Variants in CHRDL2 observed in about 807,000 individuals in gnomAD.
CHRDL2 encodes the protein chordin-like protein 2.
In CHRDL2, 41 loss-of-function variants were observed where a neutral mutation model predicts 54.3. That is an observed-to-expected ratio of 0.76 (90% CI 0.59 to 0.98). The LOEUF is 0.98. Among genes scored for constraint, CHRDL2 ranks in the 50% least tolerant of loss-of-function variants. The pLI, the probability that CHRDL2 is intolerant of heterozygous loss-of-function variation, is 0.00. For synonymous variants in CHRDL2, 220 were observed against 224.3 expected (o/e 0.98, Z 0.17); for missense variants, 518 against 562.4 (o/e 0.92, Z 0.80).
chr11:74,708,422 A>G lies in CHRDL2; in HGVS notation c.433-27T>C, dbSNP rs2034083729. ...TGACAGATAGAGCAAACCAGCTGGG[A>G]AATGAGCTCTGATAAGGGCTAGCCT... On this transcript the variant is annotated intron_variant, in intron 4 of 10. Transcript: ENST00000376332. 3 of 1,513,510 alleles carry G rather than the reference A, an allele frequency of 2.0e-6. No homozygotes were observed. The African/African-American group carries it at 4.2e-5, about 21-fold the overall frequency. 93.8% of individuals were successfully genotyped at this position (1,513,510 alleles called of 1,614,324 possible).
intron 6 of CHRDL2, among the ~76,000 whole-genome samples, chr11:74,705,445 C>T (rs1458984272): frequency 6.6e-6 from 1 of 152,178 alleles, no homozygotes; most frequent in Non-Finnish European, 1.5e-5. Context: ...TGCATCAGTT[C>T]TCCGATGGCC....
intron 9 of CHRDL2, among the ~76,000 whole-genome samples, chr11:74,701,835 G>A (rs536050919): frequency 1.3e-5 from 2 of 152,104 alleles, no homozygotes; most frequent in East Asian, 3.9e-4. Context: ...TAGAGGAAAG[G>A]AACTTTAGAG....
At chr11:74,711,169 T>TG (rs1447489806) in intron 3 of CHRDL2, among the ~76,000 whole-genome samples, 178 bp from the exon 4 acceptor site, 1 of 152,194 alleles carries the variant, frequency 6.6e-6, no homozygotes, top group Admixed American at 6.5e-5. Context: ...GAGGTCCCTC[T>TG]GATACCTACA....
intron 9 of CHRDL2, among the ~76,000 whole-genome samples, chr11:74,700,524 T>C (rs1201072338): frequency 6.6e-6 from 1 of 152,140 alleles, no homozygotes; most frequent in Non-Finnish European, 1.5e-5. Flanking sequence ...GGGCCTATTA[T>C]GCTCCATGTC....
At chr11:74,726,496 G>A (rs1213801594) in intron 1 of CHRDL2, among the ~76,000 whole-genome samples, 1 of 152,206 alleles carries the variant, frequency 6.6e-6, no homozygotes, top group African/African-American at 2.4e-5. Flanking sequence ...GAATGAGGAT[G>A]GGGTCCTGGA....
Position 74,730,954 on chromosome 11 carries a change from C to G in CHRDL2, c.-66G>C. 6.6e-6 allele frequency: 9 copies of G among 1,367,818 alleles called. No individual in the cohort carries two copies. The highest frequency in any genetic ancestry group is 9.1e-6 in the Non-Finnish European group (9 of 988,582). The allele number at this position is 1,367,818 out of a possible 1,614,324, so 84.7% of individuals were successfully genotyped here. ...GGGAGGAAGGGAGACGAAAAGGACA[C>G]GGAGGCACAGGGGCCACAGATCAAC... On this transcript the variant is annotated 5_prime_UTR_variant, in exon 1 of 11. Coordinates refer to ENST00000376332, the MANE Select transcript of CHRDL2 (RefSeq NM_001278473.3).
rs1252649708 is a variant in CHRDL2 at position 74,702,894 on chromosome 11, G to A, written c.1020C>T (p.Val340=). Residue 340 remains valine, a synonymous_variant, in exon 9 of 11, where the codon GTC becomes GTT. Transcript: ENST00000376332. The part of the protein sequence containing the change: ...RCPKAPGRVL[V]HTSVSPSPDN... ...CTGGGCTTGGGGATACCGATGTGTG[G>A]ACGAGGACCCGGCCCGGTGCCTTGG... 1.2e-6 allele frequency: 2 copies of A among 1,614,082 alleles called. No homozygotes were observed. The highest frequency in any genetic ancestry group is 1.7e-6 in the Non-Finnish European group (2 of 1,180,032).
At position 74,713,440 on chromosome 11, in the gene CHRDL2, CAGGCGGACAGTGG is replaced by C. The variant is rs769495838; in HGVS notation, c.222_234del (p.His75SerfsTer7). ...TCCGTCACAGGCTGGGGGCAGTGGACAGGCGGACAGTGGAGGCGGTAACAACTCACATGGGCGC... is the reference window on the plus strand; with the variant it reads ...TCCGTCACAGGCTGGGGGCAGTGGACAGGCGGTAACAACTCACATGGGCGC... On this transcript the variant is annotated frameshift_variant, in exon 3 of 11. Coordinates refer to ENST00000376332, the MANE Select transcript of CHRDL2 (RefSeq NM_001278473.3). LOFTEE classifies it high-confidence loss of function. 6.2e-7 allele frequency: 1 copy of C among 1,614,056 alleles called. No homozygotes were observed. Among genetic ancestry groups the C allele is most frequent in the African/African-American group, 1.3e-5 (1 of 74,920 alleles).
intron 3 of CHRDL2, among the ~76,000 whole-genome samples, chr11:74,711,818 C>CT (rs369068669): frequency 0.046 from 6,848 of 147,668 alleles, 235 homozygotes; most frequent in African/African-American, 0.1. Flanking sequence ...TCCTTTTTTT[C>CT]TTTTTTTTTT....
At position 74,708,413 on chromosome 11, in the gene CHRDL2, C is replaced by T. The variant is rs898841853; in HGVS notation, c.433-18G>A. On this transcript the variant is annotated intron_variant, in intron 4 of 10. Transcript: ENST00000376332. Reference sequence around the variant, plus strand: ...TGGCCCTCCTGACAGATAGAGCAAACCAGCTGGGAAATGAGCTCTGATAAG... The same window carrying T: ...TGGCCCTCCTGACAGATAGAGCAAATCAGCTGGGAAATGAGCTCTGATAAG... The T allele has an allele frequency of 2.6e-6, 4 of 1,541,936 alleles. No individual in the cohort carries two copies. The highest frequency in any genetic ancestry group is 3.5e-6 in the Non-Finnish European group (4 of 1,145,082).
At chr11:74,712,400 A>G (rs2135259049) in intron 3 of CHRDL2, among the ~76,000 whole-genome samples, 1 of 152,252 alleles carries the variant, frequency 6.6e-6, no homozygotes, top group Non-Finnish European at 1.5e-5. Context: ...TTTTAGCAAC[A>G]AGAGGCCTGG....
intron 1 of CHRDL2, among the ~76,000 whole-genome samples, chr11:74,725,572 C>T (rs2034561017): frequency 6.6e-6 from 1 of 152,198 alleles, no homozygotes; most frequent in African/African-American, 2.4e-5. Context: ...AAGCTCATCC[C>T]ACAGTCTGGC....
intron 5 of CHRDL2, 102 bp from the exon 6 acceptor site, chr11:74,706,644 G>C: frequency 9.0e-7 from 1 of 1,112,140 alleles, no homozygotes; most frequent in Non-Finnish European, 1.4e-6. Context: ...CCCAAGGCCT[G>C]CTGTCCCATC....
intron 2 of CHRDL2, among the ~76,000 whole-genome samples, chr11:74,717,164 C>G (rs1040426705): frequency 2.0e-5 from 3 of 151,918 alleles, no homozygotes; most frequent in Non-Finnish European, 2.9e-5. Flanking sequence ...GGGGGGGAAA[C>G]AGGAAGACCT....
intron 1 of CHRDL2, among the ~76,000 whole-genome samples, chr11:74,721,016 C>T (rs866549556): frequency 6.6e-6 from 1 of 152,192 alleles, no homozygotes; most frequent in African/African-American, 2.4e-5. Flanking sequence ...TTAGTTCCCT[C>T]GCCATTCCCT....
intron 10 of CHRDL2, 142 bp downstream of exon 10, chr11:74,697,063 T>C (rs962465872): frequency 3.1e-6 from 2 of 638,094 alleles, no homozygotes. Flanking sequence ...AGACACCCGC[T>C]GGATTCCTGT....
At chr11:74,728,552 T>TTGTTGTTG (rs1565160991) in intron 1 of CHRDL2, among the ~76,000 whole-genome samples, 1 of 106,828 alleles carries the variant, frequency 9.4e-6, no homozygotes, top group Non-Finnish European at 2.2e-5. Flanking sequence ...TGTTGTTGTT[T>TTGTTGTTG]TTTAAGAGAT....
chr11:74,702,910 G>A lies in CHRDL2; in HGVS notation c.1004C>T (p.Pro335Leu), dbSNP rs35903991. Residue 335 changes from proline (P) to leucine (L), a missense_variant, in exon 9 of 11, where the codon CCG (proline) becomes CTG (leucine). Pro to Leu is a moderately conservative substitution (Grantham distance 98, BLOSUM62 -3). Transcript: ENST00000376332. ...CGATGTGTGGACGAGGACCCGGCCC[G>A]GTGCCTTGGGACACCTGGTAGAACT... The part of the protein sequence containing the change: ...EISSTRCPKA[P>L]GRVLVHTSVS... 19,709 of 1,614,132 alleles carry A rather than the reference G, an allele frequency of 0.012. 148 individuals are homozygous for A. The highest frequency in any genetic ancestry group is 0.024 in the Middle Eastern group (148 of 6,062).
At chr11:74,701,356 C>T in intron 9 of CHRDL2, 1 of 419,210 alleles carries the variant, frequency 2.4e-6, no homozygotes, top group Non-Finnish European at 4.2e-6. Context: ...GAACCCAAAG[C>T]CCCTGCTTGT....
Sources: gnomAD v4.1 joint callset for allele counts (sites outside exome capture counted in the v4.1 genomes callset) on GRCh38, gnomAD v4.1.1 for gene constraint, MANE v1.5 for transcripts, NCBI Gene and HGNC (gene_info 2026-07-23, HGNC 2026-07-21) for gene names.